The following ZNF487 variants were observed in gnomAD, a reference collection of about 807,000 sequenced individuals.
ZNF487 encodes the protein zinc finger protein 487, also known as KRAB domain only 1.
A neutral mutation model predicts 3.0 loss-of-function variants in ZNF487; 4 were observed. The observed-to-expected ratio is 1.35, with a 90% CI of 0.66 to 3.08. The LOEUF is 3.08. Ranked by LOEUF, ZNF487 falls within the 30% of genes most tolerant of loss-of-function variation. The pLI is 0.01. For synonymous variants in ZNF487, 55 were observed against 34.6 expected, an observed-to-expected ratio of 1.59 and a Z score of -2.06; for missense variants, 146 against 98.7, an observed-to-expected ratio of 1.48 and a Z score of -2.03.
At chr10:43,453,717 T>G (rs1840081340) in intron 1 of ZNF487, 1 of 152,170 alleles carries the variant, frequency 6.6e-6, no homozygotes. Flanking sequence ...TGACATGCAT[T>G]TGTTATTAAT....
chr10:43,485,878 G>T (rs1390693833), downstream of ZNF487, among the ~76,000 whole-genome samples: 3 of 152,130 alleles, frequency 2.0e-5, no homozygotes, highest in African/African-American at 7.2e-5. Context: ...GACTATTTCA[G>T]TAAATCATTT....
At chr10:43,461,633 A>G (rs1333780034) in intron 1 of ZNF487, among the ~76,000 whole-genome samples, 2 of 152,062 alleles carry the variant, frequency 1.3e-5, no homozygotes, top group Non-Finnish European at 1.5e-5. Context: ...TGTTAGGTTT[A>G]TATCAATTTT....
intron 1 of ZNF487, among the ~76,000 whole-genome samples, chr10:43,464,255 C>T (rs1266942103): frequency 6.6e-6 from 1 of 151,184 alleles, no homozygotes. Flanking sequence ...ATGATCTTGG[C>T]TCACTGAAAC....
chr10:43,463,965 G>C (rs754597039), intron 1 of ZNF487, among the ~76,000 whole-genome samples: 6 of 151,670 alleles, frequency 4.0e-5, no homozygotes, highest in Non-Finnish European at 8.8e-5. Flanking sequence ...CCTATTCCTT[G>C]AGACACAACA....
At chr10:43,441,055 TTTTTTTTTTTTTTG>T in intron 1 of ZNF487, among the ~76,000 whole-genome samples, 1 of 130,978 alleles carries the variant, frequency 7.6e-6, no homozygotes, top group African/African-American at 2.9e-5. Context: ...TTTTTTTTTT[TTTTTTTTTTTTTTG>T]GTGGAGACAG....
intron 1 of ZNF487, among the ~76,000 whole-genome samples, chr10:43,454,929 C>T (rs1026549387): frequency 8.0e-6 from 1 of 124,268 alleles, no homozygotes; most frequent in African/African-American, 3.0e-5. Flanking sequence ...CAGAGCCAGA[C>T]CTTGTCTCAA....
At chr10:43,487,301 G>C (rs1457568446), downstream of ZNF487, among the ~76,000 whole-genome samples, 1 of 151,906 alleles carries the variant, frequency 6.6e-6, no homozygotes. Flanking sequence ...GACCATGCCT[G>C]GCTAATTTTT....
chr10:43,444,742 G>A (rs1299775730), intron 1 of ZNF487, among the ~76,000 whole-genome samples: 1 of 151,960 alleles, frequency 6.6e-6, no homozygotes, highest in Admixed American at 6.6e-5. Context: ...ATTTTTTTAT[G>A]TTTTTGGTAG....
the ZNF487 span, among the ~76,000 whole-genome samples, chr10:43,497,635 T>C: frequency 1.3e-5 from 2 of 152,090 alleles, no homozygotes; most frequent in Non-Finnish European, 2.9e-5. Flanking sequence ...ATTTGTTAGA[T>C]TGGTTTTGGA....
At chr10:43,466,390 CT>C (rs1253318702) in intron 1 of ZNF487, among the ~76,000 whole-genome samples, 1 of 150,580 alleles carries the variant, frequency 6.6e-6, no homozygotes, top group Non-Finnish European at 1.5e-5. Context: ...GTTTTCTTTT[CT>C]TTTTTTCTTT....
In ZNF487 at chr10:43,448,838, T is replaced by TA. The variant is rs892120733; in HGVS notation, c.-94+11584dup. ...TTTCAAAAAAATAAATATATAAAAA[T>TA]AAAAAAAATGAGCTGGGCATTGTGG... On this transcript the variant is annotated intron_variant, in intron 1 of 3. Coordinates refer to ENST00000437590, the MANE Select transcript of ZNF487 (RefSeq NM_001355444.3). 1.1e-3 allele frequency among the ~76,000 whole-genome samples: 165 copies of TA among 150,242 alleles called. 1 individual carries two copies. Among genetic ancestry groups the TA allele is most frequent in the Middle Eastern group, 3.4e-3 (1 of 290 alleles).
At chr10:43,438,682 A>C (rs1275282371) in intron 1 of ZNF487, among the ~76,000 whole-genome samples, 1 of 152,216 alleles carries the variant, frequency 6.6e-6, no homozygotes, top group Non-Finnish European at 1.5e-5. Flanking sequence ...TCATGTTCAT[A>C]GCAGCATTAT....
the ZNF487 span, among the ~76,000 whole-genome samples, chr10:43,520,253 C>T: frequency 6.6e-6 from 1 of 152,120 alleles, no homozygotes; most frequent in South Asian, 2.1e-4. Flanking sequence ...ACTCTTCCTT[C>T]CTTTACTAGG....
chr10:43,437,430 C>T (rs1005850563), intron 1 of ZNF487, among the ~76,000 whole-genome samples, 168 bp downstream of exon 1: 1 of 152,016 alleles, frequency 6.6e-6, no homozygotes. Context: ...AGTGCGGGAG[C>T]GGCCAGCCCA....
chr10:43,439,088 A>G (rs1360379019), intron 1 of ZNF487, among the ~76,000 whole-genome samples: 1 of 152,080 alleles, frequency 6.6e-6, no homozygotes, highest in Non-Finnish European at 1.5e-5. Context: ...AAAAGTACAA[A>G]AATATTAGCC....
intron 1 of ZNF487, among the ~76,000 whole-genome samples, chr10:43,463,763 T>A (rs1361395648): frequency 2.0e-5 from 3 of 151,370 alleles, no homozygotes; most frequent in Non-Finnish European, 4.4e-5. Flanking sequence ...GGGTCACATT[T>A]TGGTAATTCT....
downstream of ZNF487, among the ~76,000 whole-genome samples, chr10:43,487,699 G>T (rs1387251401): frequency 2.0e-5 from 3 of 151,530 alleles, no homozygotes; most frequent in African/African-American, 7.3e-5. Context: ...TGATCCCCCA[G>T]CCTGGGCCTC....
chr10:43,494,508 T>C, the ZNF487 span, among the ~76,000 whole-genome samples: 1 of 152,008 alleles, frequency 6.6e-6, no homozygotes, highest in African/African-American at 2.4e-5. Flanking sequence ...TCTTCTCCAC[T>C]CTTCTTAAAA....
chr10:43,437,452 C>T (rs1839429706), intron 1 of ZNF487, among the ~76,000 whole-genome samples, 190 bp downstream of exon 1: 1 of 152,028 alleles, frequency 6.6e-6, no homozygotes, highest in Non-Finnish European at 1.5e-5. Context: ...CCTAGAGAAG[C>T]GAGACAAGGG....
Sources: allele counts gnomAD v4.1 joint callset (sites outside exome capture counted in the v4.1 genomes callset), GRCh38; gene constraint gnomAD v4.1.1; transcripts MANE v1.5; gene names NCBI Gene and HGNC (gene_info 2026-07-23, HGNC 2026-07-21).